SMARCA5: variants seen among roughly 807,000 people sequenced by gnomAD.
SMARCA5 encodes the protein SWI/SNF-related matrix-associated actin-dependent regulator of chromatin subfamily A member 5.
In SMARCA5, 18 loss-of-function variants were observed where a neutral mutation model predicts 140.4. That is an observed-to-expected ratio of 0.13 (90% confidence interval 0.09 to 0.19). The LOEUF (loss-of-function observed/expected upper bound fraction) is 0.19. Among genes scored for constraint, SMARCA5 ranks in the 10% least tolerant of loss-of-function variants. SMARCA5 has a pLI of 1.00. For synonymous variants in SMARCA5, 449 were observed against 419.6 expected (o/e 1.07, Z -0.86); for missense variants, 606 against 1,276.8 (o/e 0.47, Z 8.01).
At chr4:143,514,344 C>T in intron 1 of SMARCA5, 1 of 481,928 alleles carries the variant, frequency 2.1e-6, no homozygotes, top group Non-Finnish European at 3.6e-6. Context: ...TGAATCCTGA[C>T]AAATATTTGA....
chr4:143,546,021 G>A lies in SMARCA5; in HGVS notation c.2494G>A (p.Glu832Lys). ...TGAATCCCTTAATGATGAAGAGTTA[G>A]AGGAAAAAGAGAAGCTTCTAACACA... ...EAESLNDEEL[E>K]EKEKLLTQGF... The change falls in exon 19 of 24, where the codon GAG becomes AAG. Residue 832 changes from glutamate to lysine, a missense_variant. Physicochemically the swap from Glu to Lys is moderately conservative, Grantham distance 56. Transcript: ENST00000283131. 3 of 1,603,256 alleles carry A rather than the reference G, an allele frequency of 1.9e-6. No homozygotes were observed. The highest frequency in any genetic ancestry group is 2.6e-6 in the Non-Finnish European group (3 of 1,176,400).
intron 21 of SMARCA5, 47 bp downstream of exon 21, chr4:143,547,550 G>A: frequency 1.0e-6 from 1 of 976,010 alleles, no homozygotes; most frequent in Non-Finnish European, 1.7e-6. Flanking sequence ...ATAACTCCTA[G>A]CTGTGAGTAT....
At chr4:143,536,360 G>T in intron 10 of SMARCA5, 92 bp from the exon 11 acceptor site, 4 of 797,526 alleles carry the variant, frequency 5.0e-6, no homozygotes, top group South Asian at 4.7e-5. Context: ...GATATTTGGG[G>T]GTTCATGTGG....
chr4:143,530,895 A>T (rs1329154167), intron 9 of SMARCA5, among the ~76,000 whole-genome samples: 3 of 152,066 alleles, frequency 2.0e-5, no homozygotes, highest in African/African-American at 7.2e-5. Flanking sequence ...GCTCACTGAA[A>T]CCTCTGCCTC....
rs796149388 is a variant in SMARCA5, at chr4:143,556,522, T to A, written c.*3338T>A. On this transcript the variant is annotated 3_prime_UTR_variant, in exon 24 of 24. Coordinates refer to ENST00000283131, the MANE Select transcript of SMARCA5 (RefSeq NM_003601.4). The stretch of plus-strand genomic sequence containing the variant: ...ACTAAGGAGGGTAATTTAAACAAAG[T>A]AGATTAATGACACAAGGTGGATTGA... 2.0e-5 allele frequency: 3 copies of A among 152,280 alleles called. No individual in the cohort carries two copies. The highest frequency in any genetic ancestry group is 7.2e-5 in the African/African-American group (3 of 41,556). 9.4% of individuals were successfully genotyped at this position (152,280 alleles called of 1,614,324 possible).
chr4:143,532,693 A>T (rs114741145), intron 9 of SMARCA5, among the ~76,000 whole-genome samples: 1,782 of 141,748 alleles, frequency 0.013, 43 homozygotes, highest in African/African-American at 0.042. Flanking sequence ...CCCCCCAAAA[A>T]CACCTTAACC....
chr4:143,545,535 A>G lies in SMARCA5; in HGVS notation c.2349A>G (p.Glu783=). The change falls in exon 18 of 24, where the codon GAA becomes GAG. Residue 783 remains glutamate, a synonymous_variant. Transcript: ENST00000283131. ...AGTTCTTTCCTCCACGTTTATTTGA[A>G]TTACTGGAAAAAGAAATTCTGTTTT... ...DFQFFPPRLF[E]LLEKEILFYR... is the part of the protein sequence containing the mutation. 1.2e-6 allele frequency: 2 copies of G among 1,612,970 alleles called. No individual in the cohort carries two copies. Among genetic ancestry groups the G allele is most frequent in the Non-Finnish European group, 1.7e-6 (2 of 1,179,126 alleles).
At position 143,530,531 on chromosome 4, in the gene SMARCA5, G is replaced by A. The variant is rs373871094; in HGVS notation, c.1158+5G>A. 7.5e-6 allele frequency: 12 copies of A among 1,591,592 alleles called. No homozygotes were observed. In the South Asian group the frequency reaches 1.1e-4, roughly 15 times the overall value. The stretch of plus-strand genomic sequence containing the variant: ...CTAGTTGAGAGGCTTCATATGGTAA[G>A]TATTTTGGAGTAGTGTTAAAGCATA... On this transcript the variant is annotated splice_donor_5th_base_variant and intron_variant, in intron 9 of 23. Transcript: ENST00000283131.
In SMARCA5 at chr4:143,550,088, G is replaced by A. The variant is rs144182373; in HGVS notation, c.3077G>A (p.Arg1026Gln). 8.3e-6 allele frequency: 13 copies of A among 1,571,628 alleles called. No homozygotes were observed. In the African/African-American group the frequency reaches 1.1e-4, roughly 13 times the overall value. Residue 1026 changes from arginine (R) to glutamine (Q), a missense_variant, in exon 23 of 24, where the codon CGA becomes CAA. Coordinates refer to ENST00000283131, the MANE Select transcript of SMARCA5 (RefSeq NM_003601.4). The part of the protein sequence containing the change: ...EEKEKAEKKK[R>Q]GPKPSTQKRK... ...AAGGAGAAGGCAGAGAAAAAGAAAC[G>A]AGGACCAAAGCCTTCAGTAAGTATT...
In SMARCA5 at chr4:143,525,521, T is replaced by C; in HGVS notation, c.591T>C (p.Asn197=). ...ACTGGCTCATTTCTTTGTATGAGAA[T>C]GGCATCAATGGTATCCTTGCAGATG... ...GLNWLISLYE[N]GINGILADEM... Residue 197 remains asparagine (N), a synonymous_variant, in exon 5 of 24, where the codon AAT becomes AAC. Coordinates refer to ENST00000283131, the MANE Select transcript of SMARCA5 (RefSeq NM_003601.4). 1 of 1,612,280 alleles carries C rather than the reference T, an allele frequency of 6.2e-7. No homozygotes were observed. The highest frequency in any genetic ancestry group is 1.1e-5 in the South Asian group (1 of 91,052).
intron 1 of SMARCA5, among the ~76,000 whole-genome samples, chr4:143,516,194 A>T (rs1394221963): frequency 7.8e-5 from 11 of 141,112 alleles, no homozygotes; most frequent in Non-Finnish European, 1.7e-4. Context: ...GAGTAAACCC[A>T]GCATTCATGA....
chr4:143,532,659 C>T (rs1286138574), intron 9 of SMARCA5, among the ~76,000 whole-genome samples: 1 of 152,136 alleles, frequency 6.6e-6, no homozygotes, highest in Non-Finnish European at 1.5e-5. Context: ...TCTAATGCTG[C>T]AAAAGAACCC....
In SMARCA5 at chr4:143,554,986, GTGTT is replaced by G; in HGVS notation, c.*1805_*1808del. Reference sequence around the variant, plus strand: ...GAACCAGCTAGGCCCTGCCACCACTGTGTTTGGCCAAGTTCACAAATCTGTTTTA... The same window carrying G: ...GAACCAGCTAGGCCCTGCCACCACTGTGGCCAAGTTCACAAATCTGTTTTA... On this transcript the variant is annotated 3_prime_UTR_variant, in exon 24 of 24. Transcript: ENST00000283131. The G allele has an allele frequency of 2.1e-6, 1 of 470,344 alleles. No individual in the cohort carries two copies. The highest frequency in any genetic ancestry group is 4.0e-6 in the Non-Finnish European group (1 of 247,170). 29.1% of individuals were successfully genotyped at this position (470,344 alleles called of 1,614,324 possible).
chr4:143,551,778 G>A (rs1451404128), intron 23 of SMARCA5, among the ~76,000 whole-genome samples: 2 of 152,006 alleles, frequency 1.3e-5, no homozygotes, highest in Admixed American at 6.6e-5. Flanking sequence ...CTATGTATCT[G>A]TTTCTATACC....
chr4:143,541,024 A>T (rs544249258), intron 14 of SMARCA5, among the ~76,000 whole-genome samples: 1 of 152,318 alleles, frequency 6.6e-6, no homozygotes, highest in East Asian at 1.9e-4. Flanking sequence ...AAGTATTCTT[A>T]CTTTCAAAGA....
chr4:143,538,216 C>T (rs1364159820), intron 11 of SMARCA5, among the ~76,000 whole-genome samples: 2 of 152,106 alleles, frequency 1.3e-5, no homozygotes, highest in East Asian at 3.9e-4. Context: ...AGGCTGAGAC[C>T]AGGATTATTA....
chr4:143,540,163 A>G (rs1378927502), intron 13 of SMARCA5, among the ~76,000 whole-genome samples, 200 bp from the exon 14 acceptor site: 2 of 152,194 alleles, frequency 1.3e-5, no homozygotes, highest in Non-Finnish European at 2.9e-5. Flanking sequence ...ATAATGTTGT[A>G]TATTGTTTGG....
At chr4:143,534,831 C>T in intron 9 of SMARCA5, 24 bp from the exon 10 acceptor site, 1 of 1,527,580 alleles carries the variant, frequency 6.5e-7, no homozygotes, top group Non-Finnish European at 9.0e-7. Context: ...TTGGTATTAC[C>T]TGTTTATTTT....
At chr4:143,528,529 A>G (rs1737120656) in intron 7 of SMARCA5, 54 bp from the exon 8 acceptor site, 2 of 1,526,512 alleles carry the variant, frequency 1.3e-6, no homozygotes, top group Non-Finnish European at 1.8e-6. Flanking sequence ...TTGCTGTTGT[A>G]GATAATGCAA....
Sources: allele counts gnomAD v4.1 joint callset (sites outside exome capture counted in the v4.1 genomes callset), GRCh38; gene constraint gnomAD v4.1.1; transcripts MANE v1.5; gene names NCBI Gene and HGNC (gene_info 2026-07-23, HGNC 2026-07-21).